Variants in FBXL18 observed in about 807,000 individuals in gnomAD.
The protein encoded by FBXL18 is F-box and leucine rich repeat protein 18.
A neutral mutation model predicts 46.0 loss-of-function variants in FBXL18; 36 were observed. The observed-to-expected ratio is 0.78, with a 90% CI of 0.60 to 1.03. FBXL18 has a LOEUF of 1.03. Ranked by LOEUF, FBXL18 falls within the 50% of genes least tolerant of loss-of-function variation. The probability of loss-of-function intolerance (pLI) is 0.00; values close to 1 mark genes in which losing one functional copy is unlikely to be tolerated. For missense variants in FBXL18, 977 were observed against 1,004.1 expected (o/e 0.97, Z 0.36); for synonymous variants, 557 against 465.3 (o/e 1.20, Z -2.54).
rs770134948 is a variant in FBXL18, at chr7:5,500,592, C to A, written c.1677G>T (p.Gln559His). 1.2e-6 allele frequency: 2 copies of A among 1,613,514 alleles called. No homozygotes were observed. The highest frequency in any genetic ancestry group is 1.7e-6 in the Non-Finnish European group (2 of 1,179,902). The change falls in exon 3 of 5, where the codon CAG (glutamine) becomes CAT (histidine). Residue 559 changes from glutamine to histidine, a missense_variant. Gln to His is a conservative substitution (Grantham distance 24). Transcript: ENST00000382368. The part of the protein sequence containing the change: ...GLVNIGLQCQ[Q>H]LRSLSLANLG... ...GGTTGGCCAGCGACAGGGACCGCAACTGCTGGCACTGCAGGCCGATATTGA... is the reference window on the plus strand; with the variant it reads ...GGTTGGCCAGCGACAGGGACCGCAAATGCTGGCACTGCAGGCCGATATTGA...
chr7:5,473,238 C>T (rs893002473), downstream of FBXL18, among the ~76,000 whole-genome samples: 1 of 152,134 alleles, frequency 6.6e-6, no homozygotes, highest in Non-Finnish European at 1.5e-5. Context: ...ACCTCAAGAA[C>T]CAAGCCAGAA....
chr7:5,472,191 G>A (rs1376639226), downstream of FBXL18, among the ~76,000 whole-genome samples: 1 of 151,858 alleles, frequency 6.6e-6, no homozygotes, highest in Non-Finnish European at 1.5e-5. Flanking sequence ...CCCCCAGCAC[G>A]CCCCTCAGCA....
Position 5,501,875 on chromosome 7 carries a change from T to C in FBXL18, c.394A>G (p.Thr132Ala). The change falls in exon 3 of 5, where the codon ACT (threonine) becomes GCT (alanine). Residue 132 changes from threonine (T) to alanine (A), a missense_variant. Coordinates refer to ENST00000382368, the MANE Select transcript of FBXL18 (RefSeq NM_024963.6). ...VKVNLSGCHLTSLRLSKMLSA... is the reference protein window; with the variant it reads ...VKVNLSGCHLASLRLSKMLSA... ...AGCATCTTGGAGAGGCGCAGGGAAG[T>C]GAGGTGGCAGCCCGAGAGGTTCACC... The C allele has an allele frequency of 1.2e-6, 2 of 1,602,608 alleles. No individual in the cohort carries two copies. The highest frequency in any genetic ancestry group is 4.5e-5 in the East Asian group (2 of 44,474).
Position 5,501,092 on chromosome 7 carries a change from C to A in FBXL18, c.1177G>T (p.Ala393Ser), listed in dbSNP as rs766801813. 2 of 1,612,058 alleles carry A rather than the reference C, an allele frequency of 1.2e-6. No individual in the cohort carries two copies. Among genetic ancestry groups the A allele is most frequent in the African/African-American group, 1.3e-5 (1 of 74,922 alleles). ...CNLRHLNLSA[A>S]HHHSSEGLGR... ...AGGCCCTCCGAGCTGTGGTGGTGGG[C>A]GGCCGAGAGGTTCAGGTGGCGCAGG... The change falls in exon 3 of 5, where the codon GCC becomes TCC. Residue 393 changes from alanine to serine, a missense_variant. Physicochemically the swap from Ala to Ser is moderately conservative, Grantham distance 99. Transcript: ENST00000382368.
At chr7:5,486,412 T>G (rs1783778458) in intron 4 of FBXL18, among the ~76,000 whole-genome samples, 1 of 150,912 alleles carries the variant, frequency 6.6e-6, no homozygotes, top group Non-Finnish European at 1.5e-5. Context: ...AGCGAAACTC[T>G]GTTTCAAAAA....
chr7:5,466,181 A>G (rs1202911773), intron 4 of FBXL18, among the ~76,000 whole-genome samples: 1 of 151,742 alleles, frequency 6.6e-6, no homozygotes, highest in African/African-American at 2.4e-5. Flanking sequence ...AAAAAAAAAA[A>G]GAAAAGAAAA....
chr7:5,494,272 C>CAAA (rs1171789679), intron 3 of FBXL18, among the ~76,000 whole-genome samples: 1 of 118,306 alleles, frequency 8.5e-6, no homozygotes, highest in Non-Finnish European at 1.8e-5. Context: ...AACTCCATCT[C>CAAA]AAAAAAAAAA....
At chr7:5,510,120 G>A (rs1784492345) in intron 1 of FBXL18, among the ~76,000 whole-genome samples, 1 of 151,784 alleles carries the variant, frequency 6.6e-6, no homozygotes, top group Non-Finnish European at 1.5e-5. Context: ...TGGCCAACAT[G>A]GTGAAACCCC....
chr7:5,511,538 A>G (rs10268985), intron 1 of FBXL18, among the ~76,000 whole-genome samples: 15,639 of 151,460 alleles, frequency 0.1, 876 homozygotes, highest in African/African-American at 0.13. Flanking sequence ...CCTGGGAAGC[A>G]GAGGTTGCAG....
At chr7:5,468,745 C>T (rs530113354) in intron 4 of FBXL18, among the ~76,000 whole-genome samples, 8 of 152,196 alleles carry the variant, frequency 5.3e-5, no homozygotes, top group South Asian at 4.1e-4. Context: ...AGACTACAGA[C>T]GCGCACCACC....
intron 1 of FBXL18, among the ~76,000 whole-genome samples, chr7:5,511,273 A>T (rs1584249548): frequency 6.6e-6 from 1 of 152,022 alleles, no homozygotes; most frequent in East Asian, 1.9e-4. Flanking sequence ...CGTCTCTACT[A>T]AAAATACAAA....
At chr7:5,456,527 C>T (rs1783176614) in intron 4 of FBXL18, among the ~76,000 whole-genome samples, 1 of 152,036 alleles carries the variant, frequency 6.6e-6, no homozygotes, top group African/African-American at 2.4e-5. Context: ...TTCTCTGAAT[C>T]CTGAAGAATA....
At chr7:5,491,830 C>A (rs1783935378) in intron 3 of FBXL18, among the ~76,000 whole-genome samples, 1 of 152,166 alleles carries the variant, frequency 6.6e-6, no homozygotes, top group African/African-American at 2.4e-5. Flanking sequence ...GCAAAGAGGA[C>A]CCCACACATG....
At chr7:5,507,573 C>T (rs1277315112) in intron 1 of FBXL18, among the ~76,000 whole-genome samples, 1 of 152,188 alleles carries the variant, frequency 6.6e-6, no homozygotes, top group African/African-American at 2.4e-5. Context: ...TGGTGACCCA[C>T]ACCTGTAATC....
intron 4 of FBXL18, among the ~76,000 whole-genome samples, chr7:5,488,826 G>C (rs531958630): frequency 6.6e-6 from 1 of 152,160 alleles, no homozygotes; most frequent in African/African-American, 2.4e-5. Flanking sequence ...TTAGCCTCTC[G>C]GTACCACAGC....
chr7:5,489,174 C>A, intron 4 of FBXL18: 2 of 496,888 alleles, frequency 4.0e-6, no homozygotes, highest in Non-Finnish European at 4.0e-6. Flanking sequence ...GTGAGGACAG[C>A]ACTGAGAATA....
chr7:5,481,565 A>C lies in FBXL18; in HGVS notation c.*210T>G. On this transcript the variant is annotated 3_prime_UTR_variant, in exon 5 of 5. Coordinates refer to ENST00000382368, the MANE Select transcript of FBXL18 (RefSeq NM_024963.6). ...ACCGTCCCCCGAGCCCCCTCATGTC[A>C]CCCAGAACGCATCCCCTCGACCTAA... 7 of 518,294 alleles carry C rather than the reference A, an allele frequency of 1.4e-5. No individual in the cohort carries two copies. Among genetic ancestry groups the C allele is most frequent in the Middle Eastern group, 5.4e-4 (1 of 1,846 alleles). 32.1% of individuals were successfully genotyped at this position (518,294 alleles called of 1,614,324 possible).
rs750640393 is a variant in FBXL18 at position 5,500,669 on chromosome 7, G to C, written c.1600C>G (p.Arg534Gly). Reference sequence around the variant, plus strand: ...GGCAGCTGTGCGAGCGTCAGGTGCCGCAGGAAGGCCAGCTGGCCGATGGCG... The same window carrying C: ...GGCAGCTGTGCGAGCGTCAGGTGCCCCAGGAAGGCCAGCTGGCCGATGGCG... Reference protein sequence around the residue: ...VAAIGQLAFLRHLTLAQLPSV... With the variant: ...VAAIGQLAFLGHLTLAQLPSV... The change falls in exon 3 of 5, where the codon CGG becomes GGG. Residue 534 changes from arginine (R) to glycine (G), a missense_variant. Arg to Gly is a moderately radical substitution (Grantham distance 125). Transcript: ENST00000382368. 1 of 1,611,064 alleles carries C rather than the reference G, an allele frequency of 6.2e-7. No individual in the cohort carries two copies. The highest frequency in any genetic ancestry group is 1.1e-5 in the South Asian group (1 of 90,876).
Position 5,501,547 on chromosome 7 carries a change from T to C in FBXL18, c.722A>G (p.Tyr241Cys). ...GAGCCGCACCACCTCCTGGTTGATGTAGCCGGGGGCCAGGCGCGCATAGAA... is the reference window on the plus strand; with the variant it reads ...GAGCCGCACCACCTCCTGGTTGATGCAGCCGGGGGCCAGGCGCGCATAGAA... ...RVFYARLAPG[Y>C]INQEVVRLYL... The change falls in exon 3 of 5, where the codon TAC becomes TGC. Residue 241 changes from tyrosine (Y) to cysteine (C), a missense_variant. Tyr to Cys is a radical substitution (Grantham distance 194, BLOSUM62 -2). Coordinates refer to ENST00000382368, the MANE Select transcript of FBXL18 (RefSeq NM_024963.6). 1.9e-6 allele frequency: 3 copies of C among 1,613,904 alleles called. No individual in the cohort carries two copies. The South Asian group carries it at 3.3e-5, about 18-fold the overall frequency.
Sources: gnomAD v4.1 joint callset for allele counts (sites outside exome capture counted in the v4.1 genomes callset) on GRCh38, gnomAD v4.1.1 for gene constraint, MANE v1.5 for transcripts, NCBI Gene and HGNC (gene_info 2026-07-23, HGNC 2026-07-21) for gene names.